Variants in ADAMTS3 observed in about 807,000 individuals in gnomAD.
ADAMTS3 encodes A disintegrin and metalloproteinase with thrombospondin motifs 3.
A neutral mutation model predicts 129.0 loss-of-function variants in ADAMTS3; 73 were observed. That is an observed-to-expected ratio of 0.57 (90% CI 0.47 to 0.69). The LOEUF (loss-of-function observed/expected upper bound fraction) is 0.69. Ranked by LOEUF, ADAMTS3 falls within the 30% of genes least tolerant of loss-of-function variation. The pLI is 0.00. For missense variants in ADAMTS3, 1,457 were observed against 1,514.5 expected, an observed-to-expected ratio of 0.96 and a Z score of 0.63; for synonymous variants, 477 against 510.8, an observed-to-expected ratio of 0.93 and a Z score of 0.89.
At chr4:72,357,292 A>T (rs965593803) in intron 4 of ADAMTS3, among the ~76,000 whole-genome samples, 1 of 151,988 alleles carries the variant, frequency 6.6e-6, no homozygotes, top group African/African-American at 2.4e-5. Context: ...ATGAATGCTT[A>T]TGTACGCCCA....
intron 3 of ADAMTS3, among the ~76,000 whole-genome samples, chr4:72,499,908 A>G (rs1392133808): frequency 1.3e-5 from 2 of 152,150 alleles, no homozygotes; most frequent in African/African-American, 4.8e-5. Context: ...TAATTTGTTT[A>G]GAACAATGGC....
chr4:72,332,029 T>C (rs1234712837), intron 5 of ADAMTS3, among the ~76,000 whole-genome samples: 1 of 152,200 alleles, frequency 6.6e-6, no homozygotes, highest in Non-Finnish European at 1.5e-5. Flanking sequence ...CTCCCAAGAA[T>C]CTAACAGGAC....
chr4:72,506,487 G>A (rs1255508017), intron 3 of ADAMTS3, among the ~76,000 whole-genome samples: 1 of 152,178 alleles, frequency 6.6e-6, no homozygotes, highest in Non-Finnish European at 1.5e-5. Context: ...CAGTTCAATT[G>A]CTGGCCCAAG....
At chr4:72,493,721 C>T (rs1198737524) in intron 3 of ADAMTS3, among the ~76,000 whole-genome samples, 1 of 151,968 alleles carries the variant, frequency 6.6e-6, no homozygotes, top group Non-Finnish European at 1.5e-5. Context: ...AGCATATTTT[C>T]ATTTCAATAC....
At chr4:72,483,273 T>G (rs1181486175) in intron 3 of ADAMTS3, among the ~76,000 whole-genome samples, 1 of 152,156 alleles carries the variant, frequency 6.6e-6, no homozygotes, top group East Asian at 1.9e-4. Context: ...CTACTAAAAC[T>G]ACAAAGCCAC....
chr4:72,560,070 A>G (rs565293596), intron 2 of ADAMTS3, among the ~76,000 whole-genome samples: 1 of 151,770 alleles, frequency 6.6e-6, no homozygotes, highest in South Asian at 2.1e-4. Flanking sequence ...TGACAAAAAC[A>G]AGCAATAGAG....
intron 2 of ADAMTS3, among the ~76,000 whole-genome samples, chr4:72,554,086 T>C (rs1172984097): frequency 6.6e-6 from 1 of 152,168 alleles, no homozygotes; most frequent in Non-Finnish European, 1.5e-5. Flanking sequence ...AATTCCTCAT[T>C]CTAGAGTTTA....
chr4:72,299,398 CAT>C (rs1323882289), intron 17 of ADAMTS3, among the ~76,000 whole-genome samples: 1 of 152,118 alleles, frequency 6.6e-6, no homozygotes, highest in Non-Finnish European at 1.5e-5. Flanking sequence ...TAAATGTCAG[CAT>C]AGTCTGTAAT....
chr4:72,344,677 G>A (rs1390696243), intron 4 of ADAMTS3, among the ~76,000 whole-genome samples: 12 of 151,962 alleles, frequency 7.9e-5, no homozygotes, highest in Non-Finnish European at 7.4e-5. Context: ...ATTCCAGTAG[G>A]TGCACACCCC....
In ADAMTS3 at chr4:72,515,614, T is replaced by G. The variant is rs1379208576; in HGVS notation, c.504+32864A>C. ...ATGATGAGCATTTTTTCATGTGTCT[T>G]TTGGCTGCATAAATGTCTTCTTTTG... On this transcript the variant is annotated intron_variant, in intron 3 of 21. Transcript: ENST00000286657. Among the ~76,000 whole-genome samples, 8 of 151,524 alleles carry G rather than the reference T, an allele frequency of 5.3e-5. No individual in the cohort carries two copies. The South Asian group carries it at 1.0e-3, about 20-fold the overall frequency.
At chr4:72,388,932 T>A (rs1016324769) in intron 4 of ADAMTS3, among the ~76,000 whole-genome samples, 1 of 152,204 alleles carries the variant, frequency 6.6e-6, no homozygotes, top group African/African-American at 2.4e-5. Flanking sequence ...ATGAGTTGGA[T>A]AAAACATGTG....
intron 4 of ADAMTS3, among the ~76,000 whole-genome samples, chr4:72,386,772 C>T (rs572607249): frequency 6.6e-6 from 1 of 152,006 alleles, no homozygotes; most frequent in Non-Finnish European, 1.5e-5. Context: ...TACTCAAGGG[C>T]CTGCTCTTTA....
At chr4:72,393,295 T>C (rs1721646822) in intron 4 of ADAMTS3, among the ~76,000 whole-genome samples, 1 of 152,154 alleles carries the variant, frequency 6.6e-6, no homozygotes, top group Non-Finnish European at 1.5e-5. Context: ...TATGTTAGAT[T>C]AGGATTGGAG....
chr4:72,328,350 A>G (rs1296497361), intron 5 of ADAMTS3, among the ~76,000 whole-genome samples: 1 of 152,214 alleles, frequency 6.6e-6, no homozygotes, highest in Non-Finnish European at 1.5e-5. Context: ...CCCGGACAGG[A>G]CAAATTCTCC....
chr4:72,479,551 G>C (rs559906417), intron 3 of ADAMTS3, among the ~76,000 whole-genome samples: 1 of 152,172 alleles, frequency 6.6e-6, no homozygotes, highest in Non-Finnish European at 1.5e-5. Context: ...ACTCAAGATG[G>C]ATTAAAGACT....
At chr4:72,444,348 G>T (rs1718197881) in intron 3 of ADAMTS3, among the ~76,000 whole-genome samples, 1 of 151,574 alleles carries the variant, frequency 6.6e-6, no homozygotes, top group African/African-American at 2.4e-5. Context: ...TAAAAAACAG[G>T]TTGGTAGCTG....
chr4:72,537,014 G>A lies in ADAMTS3; in HGVS notation c.504+11464C>T, dbSNP rs1236129836. On this transcript the variant is annotated intron_variant, in intron 3 of 21. Coordinates refer to ENST00000286657, the MANE Select transcript of ADAMTS3 (RefSeq NM_014243.3). The stretch of plus-strand genomic sequence containing the variant: ...CCCCACTAAGGCAACAATCATACTG[G>A]CAGAATCTGTCTGATGATAGGATTT... Among the ~76,000 whole-genome samples the A allele has an allele frequency of 4.2e-4, 64 of 152,190 alleles. 1 individual carries two copies. Among genetic ancestry groups the A allele is most frequent in the Admixed American group, 4.2e-3 (64 of 15,284 alleles).
chr4:72,509,148 C>T (rs1456339110), intron 3 of ADAMTS3, among the ~76,000 whole-genome samples: 2 of 151,508 alleles, frequency 1.3e-5, no homozygotes, highest in Non-Finnish European at 2.9e-5. Flanking sequence ...AAATTTATAG[C>T]TATAAGTGTC....
intron 3 of ADAMTS3, among the ~76,000 whole-genome samples, chr4:72,463,591 T>A (rs1718834766): frequency 1.3e-5 from 2 of 150,834 alleles, no homozygotes; most frequent in African/African-American, 4.9e-5. Context: ...TCATTCTCCA[T>A]CCCTCTCCCA....
Sources: gnomAD v4.1 joint callset for allele counts (sites outside exome capture counted in the v4.1 genomes callset) on GRCh38, gnomAD v4.1.1 for gene constraint, MANE v1.5 for transcripts, NCBI Gene and HGNC (gene_info 2026-07-23, HGNC 2026-07-21) for gene names.